KHK: variants seen among roughly 807,000 people sequenced by gnomAD.
The protein encoded by KHK is fructokinase.
KHK carries 37 observed loss-of-function variants against 36.0 expected under a neutral mutation model. That is an observed-to-expected ratio of 1.03 (90% CI 0.79 to 1.35). The LOEUF (loss-of-function observed/expected upper bound fraction) is 1.35. Among genes scored for constraint, KHK ranks in the 40% most tolerant of loss-of-function variants. The pLI is 0.00. For missense variants in KHK, 395 were observed against 391.9 expected (o/e 1.01, Z -0.07); for synonymous variants, 161 against 162.8 (o/e 0.99, Z 0.08).
intron 5 of KHK, 92 bp downstream of exon 5, chr2:27,097,741 GA>G: frequency 6.5e-7 from 1 of 1,537,832 alleles, no homozygotes; most frequent in Non-Finnish European, 9.0e-7. Context: ...ACCACAATTG[GA>G]ATAGTGGTTC....
intron 3 of KHK, 115 bp from the exon 4 acceptor site, chr2:27,096,614 C>T: frequency 1.2e-6 from 1 of 832,658 alleles, no homozygotes; most frequent in East Asian, 2.4e-5. Flanking sequence ...GATCCAGCTT[C>T]CTGTCATGCT....
intron 5 of KHK, among the ~76,000 whole-genome samples, chr2:27,098,727 TGTG>T (rs1670570296): frequency 1.3e-5 from 2 of 152,180 alleles, no homozygotes; most frequent in South Asian, 4.1e-4. Flanking sequence ...AGGACATAGT[TGTG>T]GGAAAAACCA....
intron 3 of KHK, 87 bp from the exon 4 acceptor site, chr2:27,096,642 A>G: frequency 9.8e-7 from 1 of 1,021,098 alleles, no homozygotes; most frequent in Non-Finnish European, 1.6e-6. Flanking sequence ...GTGCAGGCAC[A>G]GGGTCCACAG....
In KHK at chr2:27,099,379, C is replaced by T. The variant is rs182367966; in HGVS notation, c.654-41C>T. 752 of 1,611,352 alleles carry T rather than the reference C, an allele frequency of 4.7e-4. 5 individuals carry two copies. In the African/African-American group the frequency reaches 8.5e-3, roughly 18 times the overall value. ...GGAGCTGGGAGGATGGCTGGGGGGA[C>T]GGGGTGGGCTAACACCCAGCTGAGT... On this transcript the variant is annotated intron_variant, in intron 6 of 7. Transcript: ENST00000260598.
chr2:27,090,044 G>T (rs1158592387), intron 1 of KHK, among the ~76,000 whole-genome samples: 1 of 152,118 alleles, frequency 6.6e-6, no homozygotes, highest in East Asian at 1.9e-4. Context: ...TAGAGATGGG[G>T]TTTCTCCATG....
intron 3 of KHK, among the ~76,000 whole-genome samples, chr2:27,096,318 G>C (rs1425936265): frequency 1.3e-5 from 2 of 152,214 alleles, no homozygotes; most frequent in East Asian, 1.9e-4. Context: ...CCAGAAGTGA[G>C]GGGGACCAGA....
intron 3 of KHK, among the ~76,000 whole-genome samples, chr2:27,096,473 T>C (rs1310624624): frequency 6.6e-6 from 1 of 152,100 alleles, no homozygotes; most frequent in Non-Finnish European, 1.5e-5. Flanking sequence ...CACACAGACC[T>C]TGCCAGTTGA....
intron 2 of KHK, chr2:27,094,554 T>C: frequency 5.0e-6 from 8 of 1,614,138 alleles, no homozygotes; most frequent in Non-Finnish European, 6.8e-6. Context: ...TCCGTCCCCA[T>C]CGCCACGGTC....
chr2:27,093,403 C>T (rs1416767685), intron 2 of KHK, among the ~76,000 whole-genome samples: 5 of 152,190 alleles, frequency 3.3e-5, no homozygotes, highest in African/African-American at 7.2e-5. Context: ...GGATGGTCGA[C>T]TCTCCTTTAC....
At chr2:27,090,461 T>C (rs1442072432) in intron 1 of KHK, among the ~76,000 whole-genome samples, 4 of 146,870 alleles carry the variant, frequency 2.7e-5, no homozygotes, top group African/African-American at 9.9e-5. Context: ...TCTTTTTTTT[T>C]TTTTTTTTTT....
At chr2:27,094,710 C>T in intron 2 of KHK, 90 bp from the exon 3 acceptor site, 3 of 1,612,708 alleles carry the variant, frequency 1.9e-6, no homozygotes, top group Non-Finnish European at 2.5e-6. Context: ...GCTCCAGCAC[C>T]CTCTCCCCAC....
At chr2:27,093,429 A>G (rs889049394) in intron 2 of KHK, among the ~76,000 whole-genome samples, 2 of 152,170 alleles carry the variant, frequency 1.3e-5, no homozygotes, top group Admixed American at 6.5e-5. Context: ...AATCAGGCCA[A>G]TGGGTGGTTT....
In KHK at chr2:27,100,355, C is replaced by T; in HGVS notation, c.*605C>T. On this transcript the variant is annotated 3_prime_UTR_variant, in exon 8 of 8. Transcript: ENST00000260598. ...TGTGATTTGATGGGGTCTTCATTGT[C>T]CAGAAATACCTCCTCCCGCTGACTG... 8.9e-7 allele frequency: 1 copy of T among 1,123,936 alleles called. No homozygotes were observed. The highest frequency in any genetic ancestry group is 1.2e-6 in the Non-Finnish European group (1 of 838,972). The allele number at this position is 1,123,936 out of a possible 1,614,324, so 69.6% of individuals were successfully genotyped here. A position where few individuals can be genotyped will look rare whatever the true frequency, so the allele number is the denominator to read the frequency against.
chr2:27,098,570 C>T (rs1360629695), intron 5 of KHK, among the ~76,000 whole-genome samples: 1 of 151,814 alleles, frequency 6.6e-6, no homozygotes, highest in Non-Finnish European at 1.5e-5. Context: ...TGCCTGAGCC[C>T]CACCATCTTG....
At chr2:27,091,506 C>T (rs932023126) in intron 1 of KHK, among the ~76,000 whole-genome samples, 7 of 152,060 alleles carry the variant, frequency 4.6e-5, no homozygotes, top group African/African-American at 1.7e-4. Context: ...ATTCGTGGTT[C>T]TTTGGTACTG....
At chr2:27,092,494 A>G (rs2148343899) in intron 2 of KHK, 46 bp downstream of exon 2, 1 of 1,371,188 alleles carries the variant, frequency 7.3e-7, no homozygotes, top group Non-Finnish European at 1.0e-6. Flanking sequence ...TGCCTGCATC[A>G]TTGTGGGAGA....
rs1318427286 is a variant in KHK at position 27,087,280 on chromosome 2, G to C, written c.21G>C (p.Leu7=). The part of the protein sequence containing the change: MEEKQI[L]CVGLVVLDVI... ...GCCTCATGGAAGAGAAGCAGATCCT[G>C]TGCGTGGGGCTAGTGGTGCTGGACG... is the stretch of plus-strand genomic sequence containing the variant. The change falls in exon 1 of 8, where the codon CTG becomes CTC. Residue 7 remains leucine (L), a synonymous_variant. Coordinates refer to ENST00000260598, the MANE Select transcript of KHK (RefSeq NM_006488.3). 1 of 1,597,960 alleles carries C rather than the reference G, an allele frequency of 6.3e-7. No individual in the cohort carries two copies. Among genetic ancestry groups the C allele is most frequent in the Admixed American group, 1.7e-5 (1 of 57,886 alleles).
At position 27,099,810 on chromosome 2, in the gene KHK, C is replaced by T. The variant is rs1276664303; in HGVS notation, c.*60C>T. ...TACCATTGCGGCTGCATCGCCTTCT[C>T]CCCTCCATCCAGCCTGGCGTCCAGG... On this transcript the variant is annotated 3_prime_UTR_variant, in exon 8 of 8. Coordinates refer to ENST00000260598, the MANE Select transcript of KHK (RefSeq NM_006488.3). The T allele has an allele frequency of 6.3e-7, 1 of 1,585,900 alleles. No individual in the cohort carries two copies. Among genetic ancestry groups the T allele is most frequent in the Non-Finnish European group, 8.6e-7 (1 of 1,166,528 alleles).
intron 3 of KHK, among the ~76,000 whole-genome samples, chr2:27,095,597 G>A (rs542081829): frequency 9.6e-4 from 147 of 152,360 alleles, no homozygotes; most frequent in African/African-American, 3.3e-3. Flanking sequence ...GGCCCCATGG[G>A]CCTAGACACT....
Sources: allele counts gnomAD v4.1 joint callset (sites outside exome capture counted in the v4.1 genomes callset), GRCh38; gene constraint gnomAD v4.1.1; transcripts MANE v1.5; gene names NCBI Gene and HGNC (gene_info 2026-07-23, HGNC 2026-07-21).